Variants in AGXT2 observed in about 807,000 individuals in gnomAD.
AGXT2 encodes the protein alanine--glyoxylate aminotransferase 2, mitochondrial.
AGXT2 carries 61 observed loss-of-function variants against 62.5 expected under a neutral mutation model. The ratio of observed to expected loss-of-function variants is 0.98; its 90% confidence interval spans 0.79 to 1.21. The LOEUF (loss-of-function observed/expected upper bound fraction) is 1.21, where lower values mean the gene tolerates loss of function less well. Among genes scored for constraint, AGXT2 ranks in the 50% most tolerant of loss-of-function variants. AGXT2 has a pLI of 0.00. For missense variants in AGXT2, 666 were observed against 641.5 expected, an observed-to-expected ratio of 1.04 and a Z score of -0.41; for synonymous variants, 243 against 218.7, an observed-to-expected ratio of 1.11 and a Z score of -0.98.
intron 11 of AGXT2, 160 bp downstream of exon 11, chr5:35,012,794 A>T: frequency 1.3e-6 from 1 of 749,642 alleles, no homozygotes. Flanking sequence ...TTAAAAAGGG[A>T]GAAGGCAGAA....
intron 12 of AGXT2, among the ~76,000 whole-genome samples, chr5:35,009,743 A>C (rs1023290842): frequency 2.0e-5 from 3 of 152,058 alleles, no homozygotes; most frequent in Non-Finnish European, 2.9e-5. Context: ...GTCATTGCCT[A>C]TGCTATTTGC....
chr5:35,029,003 A>T (rs762374892), intron 7 of AGXT2, among the ~76,000 whole-genome samples: 1 of 152,204 alleles, frequency 6.6e-6, no homozygotes, highest in African/African-American at 2.4e-5. Context: ...GGCCCCAAAC[A>T]TATTTTTAGA....
Position 35,047,869 on chromosome 5 carries a change from C to G in AGXT2, c.24G>C (p.Leu8Phe), listed in dbSNP as rs749629868. ...AAGTGACCAGGCACAAGGGTCTCAG[C>G]AAATGTCTCCAGATTAGAGTCATTT... is the stretch of plus-strand genomic sequence containing the variant. MTLIWRH[L>F]LRPLCLVTSA... is the part of the protein sequence containing the mutation. Residue 8 changes from leucine (L) to phenylalanine (F), a missense_variant, in exon 1 of 14, where the codon TTG becomes TTC. By Grantham distance (22) the Leu-to-Phe change is conservative. Transcript: ENST00000231420. The G allele has an allele frequency of 6.2e-7, 1 of 1,613,964 alleles. No individual in the cohort carries two copies. Among genetic ancestry groups the G allele is most frequent in the African/African-American group, 1.3e-5 (1 of 74,900 alleles).
Position 35,039,382 on chromosome 5 carries a change from T to C in AGXT2, c.304A>G (p.Ser102Gly). Residue 102 changes from serine (S) to glycine (G), a missense_variant, in exon 3 of 14, where the codon AGC becomes GGC. Ser to Gly is a moderately conservative substitution (Grantham distance 56, BLOSUM62 0). Transcript: ENST00000231420. ...CCGGAAAAGAAATCCAGGTATCTGC[T>C]TCCTTCAGCATCAAAGAGCCACTCC... ...HMEWLFDAEG[S>G]RYLDFFSGIV... The C allele has an allele frequency of 6.2e-7, 1 of 1,614,150 alleles. No homozygotes were observed. The highest frequency in any genetic ancestry group is 8.5e-7 in the Non-Finnish European group (1 of 1,179,982).
rs984024516 is a variant in AGXT2 at position 35,033,521 on chromosome 5, A to C, written c.614T>G (p.Leu205Arg). Residue 205 changes from leucine (L) to arginine (R), a missense_variant, in exon 6 of 14, where the codon CTT (leucine) becomes CGT (arginine). Leu to Arg is a moderately radical substitution (Grantham distance 102). Coordinates refer to ENST00000231420, the MANE Select transcript of AGXT2 (RefSeq NM_031900.4). ...GAYHGCSPYT[L>R]GLTNVGTYKM... Reference sequence around the variant, plus strand: ...GTAGGTCCCTACGTTTGTCAAGCCAAGTGTGTAAGGACTGCATCCATGGTA... The same window carrying C: ...GTAGGTCCCTACGTTTGTCAAGCCACGTGTGTAAGGACTGCATCCATGGTA... 1.2e-5 allele frequency: 19 copies of C among 1,613,736 alleles called. No homozygotes were observed. The highest frequency in any genetic ancestry group is 1.6e-5 in the Non-Finnish European group (19 of 1,179,744).
intron 9 of AGXT2, among the ~76,000 whole-genome samples, chr5:35,014,755 G>A (rs1029913073): frequency 1.3e-5 from 2 of 152,172 alleles, no homozygotes; most frequent in African/African-American, 4.8e-5. Context: ...GGATCATTAT[G>A]ATTAACAATC....
At position 35,015,615 on chromosome 5, in the gene AGXT2, C is replaced by T. The variant is rs183013019; in HGVS notation, c.964-1496G>A. ...CTGTAATCTCAGCACTTTGGGAGGC[C>T]GAGGTGGGTGGATCACCTGAGGTCC... On this transcript the variant is annotated intron_variant, in intron 9 of 13. Coordinates refer to ENST00000231420, the MANE Select transcript of AGXT2 (RefSeq NM_031900.4). Among the ~76,000 whole-genome samples the T allele has an allele frequency of 7.5e-3, 1,143 of 152,024 alleles. 13 individuals carry two copies. The highest frequency in any genetic ancestry group is 0.026 in the African/African-American group (1,095 of 41,476).
intron 5 of AGXT2, among the ~76,000 whole-genome samples, chr5:35,033,764 G>T (rs1369292335): frequency 6.6e-6 from 1 of 152,050 alleles, no homozygotes; most frequent in African/African-American, 2.4e-5. Context: ...ACTGTGAAAG[G>T]AATTTTGGAG....
At chr5:35,016,611 A>C (rs1005166050) in intron 9 of AGXT2, among the ~76,000 whole-genome samples, 5 of 152,112 alleles carry the variant, frequency 3.3e-5, no homozygotes, top group African/African-American at 1.2e-4. Context: ...ACATATGCTT[A>C]AGGTGGTTCT....
At chr5:35,045,713 A>C (rs1768161541) in intron 1 of AGXT2, among the ~76,000 whole-genome samples, 1 of 150,320 alleles carries the variant, frequency 6.7e-6, no homozygotes, top group South Asian at 2.2e-4. Context: ...AGGCCAGGTG[A>C]TGAGGATAGC....
At chr5:35,047,424 C>T (rs988146247) in intron 1 of AGXT2, among the ~76,000 whole-genome samples, 3 of 152,130 alleles carry the variant, frequency 2.0e-5, no homozygotes, top group Non-Finnish European at 4.4e-5. Context: ...ACCTAGGTGA[C>T]AGAGGGAGAC....
chr5:35,008,773 A>G (rs550477171), intron 12 of AGXT2, among the ~76,000 whole-genome samples: 1 of 152,334 alleles, frequency 6.6e-6, no homozygotes, highest in South Asian at 2.1e-4. Flanking sequence ...TTGAGCATCA[A>G]TCCTTCTAAA....
rs1379106184 is a variant in AGXT2 at position 35,025,777 on chromosome 5, A to C, written c.949T>G (p.Cys317Gly). 6.2e-7 allele frequency: 1 copy of C among 1,614,118 alleles called. No homozygotes were observed. The highest frequency in any genetic ancestry group is 1.1e-5 in the South Asian group (1 of 91,076). Residue 317 changes from cysteine (C) to glycine (G), a missense_variant, in exon 9 of 14, where the codon TGC (cysteine) becomes GGC (glycine). Transcript: ENST00000231420. The stretch of plus-strand genomic sequence containing the variant: ...ATGCCACTTACTTCATCTGCAATGC[A>C]CACGCCTCCCCTTGCTCGCACCAGC... ...FELVRARGGV[C>G]IADEVQTGFG... is the part of the protein sequence containing the mutation.
chr5:35,024,990 A>C (rs1162156974), intron 9 of AGXT2, among the ~76,000 whole-genome samples: 1 of 152,192 alleles, frequency 6.6e-6, no homozygotes, highest in African/African-American at 2.4e-5. Flanking sequence ...CAAACAAACA[A>C]AAAAACCCAC....
At chr5:35,021,753 C>T (rs1227149043) in intron 9 of AGXT2, among the ~76,000 whole-genome samples, 2 of 151,792 alleles carry the variant, frequency 1.3e-5, no homozygotes, top group Non-Finnish European at 3.0e-5. Context: ...AGCTTCTGCA[C>T]AGCAAAAGAA....
chr5:35,017,018 T>C (rs1323162862), intron 9 of AGXT2, among the ~76,000 whole-genome samples: 2 of 152,190 alleles, frequency 1.3e-5, no homozygotes, highest in African/African-American at 4.8e-5. Context: ...GTTTCAGTTT[T>C]CTAACTTTAA....
At chr5:35,046,337 C>A (rs957163864) in intron 1 of AGXT2, among the ~76,000 whole-genome samples, 4 of 152,140 alleles carry the variant, frequency 2.6e-5, no homozygotes, top group African/African-American at 9.7e-5. Context: ...TATAATTTTA[C>A]CTGCTTCTGA....
At chr5:35,004,847 C>T (rs1766364941) in intron 12 of AGXT2, among the ~76,000 whole-genome samples, 1 of 152,172 alleles carries the variant, frequency 6.6e-6, no homozygotes, top group South Asian at 2.1e-4. Context: ...TTCCCACCAA[C>T]CCCAGATCCA....
At position 35,043,557 on chromosome 5, in the gene AGXT2, G is replaced by A. The variant is rs147775281; in HGVS notation, c.89-2894C>T. Among the ~76,000 whole-genome samples, 102 of 152,072 alleles carry A rather than the reference G, an allele frequency of 6.7e-4. 1 individual carries two copies. Among genetic ancestry groups the A allele is most frequent in the African/African-American group, 2.3e-3 (97 of 41,496 alleles). ...CTTTCTTTTTTTCTTTTTTGAGACA[G>A]GATCTCCTTCTGTCACCCAGGCTGG... On this transcript the variant is annotated intron_variant, in intron 1 of 13. Transcript: ENST00000231420.
Sources: allele counts gnomAD v4.1 joint callset (sites outside exome capture counted in the v4.1 genomes callset), GRCh38; gene constraint gnomAD v4.1.1; transcripts MANE v1.5; gene names NCBI Gene and HGNC (gene_info 2026-07-23, HGNC 2026-07-21).